Variants in NBAS observed in about 807,000 individuals in gnomAD.
NBAS encodes the protein NBAS subunit of NRZ tethering complex.
Under a neutral mutation model 302.5 loss-of-function variants are expected in NBAS, and 219 were observed. That is an observed-to-expected ratio of 0.72 (90% confidence interval 0.65 to 0.81). The LOEUF is 0.81. Among genes scored for constraint, NBAS ranks in the 30% least tolerant of loss-of-function variants. The pLI is 0.00. For synonymous variants in NBAS, 1,118 were observed against 1,021.6 expected, an observed-to-expected ratio of 1.09 and a Z score of -1.80; for missense variants, 2,932 against 2,841.6, an observed-to-expected ratio of 1.03 and a Z score of -0.72.
the NBAS span, among the ~76,000 whole-genome samples, chr2:14,838,257 T>C: frequency 2.0e-5 from 3 of 151,972 alleles, no homozygotes; most frequent in Non-Finnish European, 2.9e-5. Flanking sequence ...TTATTTTCCA[T>C]TCATTATTTC....
intron 22 of NBAS, among the ~76,000 whole-genome samples, chr2:15,424,680 G>A (rs886643556): frequency 3.3e-5 from 5 of 152,042 alleles, no homozygotes; most frequent in African/African-American, 7.2e-5. Flanking sequence ...CCGTTTTCCC[G>A]ATTTAAAAAA....
intron 19 of NBAS, among the ~76,000 whole-genome samples, chr2:15,466,936 C>CAAAAAAAAAAAAAAAAAAAAAAAAAAAA (rs35850907): frequency 7.5e-6 from 1 of 133,162 alleles, no homozygotes; most frequent in African/African-American, 2.8e-5. Flanking sequence ...GATCCTATCT[C>CAAAAAAAAAAAAAAAAAAAAAAAAAAAA]AAAAAAAAAA....
At chr2:15,267,339 G>T (rs992891360) in intron 44 of NBAS, among the ~76,000 whole-genome samples, 4 of 152,090 alleles carry the variant, frequency 2.6e-5, no homozygotes, top group African/African-American at 9.7e-5. Flanking sequence ...AGAATCAAAG[G>T]AGTCAAACAA....
In NBAS at chr2:15,467,333, T is replaced by C. The variant is rs771983718; in HGVS notation, c.2093A>G (p.Tyr698Cys). Residue 698 changes from tyrosine (Y) to cysteine (C), a missense_variant, in exon 19 of 52, where the codon TAT (tyrosine) becomes TGT (cysteine). By Grantham distance (194) the Tyr-to-Cys change is radical. Transcript: ENST00000281513. ...TTGACAAAAATTATTCATTACCTCA[T>C]ATGTTGCAAGTCGATCTAAGTAGGT... ...LLTYLDRLAT[Y>C]EEILGVPHAS... 4 of 1,609,486 alleles carry C rather than the reference T, an allele frequency of 2.5e-6. No homozygotes were observed. In the South Asian group the frequency reaches 4.4e-5, roughly 18 times the overall value.
At chr2:14,937,192 G>A in the NBAS span, among the ~76,000 whole-genome samples, 5 of 152,114 alleles carry the variant, frequency 3.3e-5, no homozygotes, top group Admixed American at 1.3e-4. Flanking sequence ...ATTACATATG[G>A]GGGGTGGGGA....
At chr2:14,972,423 A>AAATAAT in the NBAS span, among the ~76,000 whole-genome samples, 6 of 151,510 alleles carry the variant, frequency 4.0e-5, no homozygotes, top group African/African-American at 1.2e-4. Flanking sequence ...ACTTAAAGTA[A>AAATAAT]AATAATAATA....
the NBAS span, among the ~76,000 whole-genome samples, chr2:15,043,866 G>A: frequency 6.6e-6 from 1 of 152,142 alleles, no homozygotes; most frequent in Non-Finnish European, 1.5e-5. Flanking sequence ...ACACTAGCCT[G>A]CCAGGGCTCC....
chr2:15,428,456 A>G (rs985880272), intron 21 of NBAS, among the ~76,000 whole-genome samples: 1 of 152,200 alleles, frequency 6.6e-6, no homozygotes, highest in Non-Finnish European at 1.5e-5. Context: ...TAGGCCTGGT[A>G]TTGTGGCTCA....
At chr2:15,049,702 C>T in the NBAS span, among the ~76,000 whole-genome samples, 107 of 152,324 alleles carry the variant, frequency 7.0e-4, no homozygotes, top group African/African-American at 2.5e-3. Flanking sequence ...CGTGCTCCTT[C>T]GGGGGCTGCT....
chr2:15,289,723 C>T (rs535492669), intron 41 of NBAS, among the ~76,000 whole-genome samples: 4 of 152,164 alleles, frequency 2.6e-5, no homozygotes, highest in East Asian at 1.9e-4. Context: ...TGCAGCTGGG[C>T]GCGGTGGCTC....
At chr2:15,119,303 CTTTTTTTT>C in the NBAS span, among the ~76,000 whole-genome samples, 201 of 107,768 alleles carry the variant, frequency 1.9e-3, no homozygotes, top group African/African-American at 5.5e-3. Flanking sequence ...GAAATCCTTT[CTTTTTTTT>C]TTTTTTTTTT....
the NBAS span, among the ~76,000 whole-genome samples, chr2:15,135,455 C>A: frequency 6.6e-6 from 1 of 152,142 alleles, no homozygotes; most frequent in Non-Finnish European, 1.5e-5. Flanking sequence ...AGCGGGCACC[C>A]GTGCTTGGGG....
At chr2:14,848,792 G>A in the NBAS span, among the ~76,000 whole-genome samples, 34 of 152,052 alleles carry the variant, frequency 2.2e-4, no homozygotes, top group East Asian at 3.9e-3. Context: ...CAGCCTAACT[G>A]GGAGGCACCC....
chr2:15,517,818 T>C (rs962074751), intron 9 of NBAS, among the ~76,000 whole-genome samples: 2 of 152,158 alleles, frequency 1.3e-5, no homozygotes, highest in African/African-American at 4.8e-5. Flanking sequence ...ACCCTCATGG[T>C]TGCATGGTAG....
At chr2:15,271,769 G>T (rs1394126122) in intron 44 of NBAS, among the ~76,000 whole-genome samples, 2 of 152,152 alleles carry the variant, frequency 1.3e-5, no homozygotes, top group Non-Finnish European at 2.9e-5. Context: ...AGCAAATTGT[G>T]TTCTGACCTG....
At chr2:15,098,621 T>G in the NBAS span, among the ~76,000 whole-genome samples, 1 of 132,040 alleles carries the variant, frequency 7.6e-6, no homozygotes, top group Non-Finnish European at 1.5e-5. Flanking sequence ...TAATGTATTA[T>G]ATATTGTATA....
At chr2:15,453,323 C>T (rs1426480012) in intron 21 of NBAS, among the ~76,000 whole-genome samples, 3 of 152,194 alleles carry the variant, frequency 2.0e-5, no homozygotes, top group African/African-American at 4.8e-5. Context: ...CTTCTGCCAA[C>T]AGGATTGTCA....
chr2:15,442,475 C>T (rs1464325838), intron 21 of NBAS, among the ~76,000 whole-genome samples: 1 of 151,868 alleles, frequency 6.6e-6, no homozygotes, highest in African/African-American at 2.4e-5. Flanking sequence ...ACACAACATA[C>T]CAGAATCTCT....
the NBAS span, among the ~76,000 whole-genome samples, chr2:15,067,798 T>G: frequency 3.9e-5 from 6 of 152,116 alleles, no homozygotes; most frequent in Non-Finnish European, 8.8e-5. Flanking sequence ...ATCACAAATT[T>G]GTTAAGAGAG....
Sources: gnomAD v4.1 joint callset for allele counts (sites outside exome capture counted in the v4.1 genomes callset) on GRCh38, gnomAD v4.1.1 for gene constraint, MANE v1.5 for transcripts, NCBI Gene and HGNC (gene_info 2026-07-23, HGNC 2026-07-21) for gene names.